DAB1: variants seen among roughly 807,000 people sequenced by gnomAD.
The protein encoded by DAB1 is DAB adaptor protein 1.
DAB1 carries 15 observed loss-of-function variants against 64.6 expected under a neutral mutation model. That is an observed-to-expected ratio of 0.23 (90% CI 0.16 to 0.36). The LOEUF (loss-of-function observed/expected upper bound fraction) is 0.36, where lower values mean the gene tolerates loss of function less well. Among genes scored for constraint, DAB1 ranks in the 10% least tolerant of loss-of-function variants. DAB1 has a pLI of 1.00. For missense variants in DAB1, 596 were observed against 706.7 expected (o/e 0.84, Z 1.78); for synonymous variants, 235 against 251.9 (o/e 0.93, Z 0.64).
intron 3 of DAB1, among the ~76,000 whole-genome samples, chr1:57,139,333 A>G (rs957709808): frequency 6.6e-6 from 1 of 152,184 alleles, no homozygotes; most frequent in Non-Finnish European, 1.5e-5. Context: ...GGATGCAGTA[A>G]CAGGCACCAT....
chr1:58,135,582 G>A (rs1653898909), intron 5 of DAB1, among the ~76,000 whole-genome samples: 1 of 152,092 alleles, frequency 6.6e-6, no homozygotes, highest in African/African-American at 2.4e-5. Flanking sequence ...GCATGTGTAA[G>A]TTTGTTACCT....
chr1:58,276,381 G>T lies in DAB1; in HGVS notation n.309+66971C>A, dbSNP rs996093330. ...AGCAATGTGGCCTCTTTTTCTCTCT[G>T]TTCCTAAAAGAGTGCTTTTCACAAA... On this transcript the variant is annotated intron_variant and non_coding_transcript_variant, in intron 4 of 20. Transcript: ENST00000485760. Among the ~76,000 whole-genome samples, 18 of 152,098 alleles carry T rather than the reference G, an allele frequency of 1.2e-4. 1 individual carries two copies. Among genetic ancestry groups the T allele is most frequent in the African/African-American group, 4.3e-4 (18 of 41,500 alleles).
At chr1:57,187,833 A>AAG (rs138251089) in intron 2 of DAB1, among the ~76,000 whole-genome samples, 116 of 150,230 alleles carry the variant, frequency 7.7e-4, no homozygotes, top group East Asian at 7.3e-3. Context: ...GAGTCACTGA[A>AAG]AGAGAGAGAG....
chr1:58,413,562 A>T (rs973177302), intron 3 of DAB1, among the ~76,000 whole-genome samples: 2 of 152,126 alleles, frequency 1.3e-5, no homozygotes, highest in Non-Finnish European at 2.9e-5. Flanking sequence ...TGGGAAAGGG[A>T]GATCTGTGTC....
rs151265456 is a variant in DAB1, at chr1:58,539,132, C to T, written n.32+7571G>A. On this transcript the variant is annotated intron_variant and non_coding_transcript_variant, in intron 1 of 20. Coordinates refer to the DAB1 transcript ENST00000485760. ...AAACTCCACCTGTCACACTGATTTA[C>T]TCCCAGTCCCTGATACTTATTTACT... 266 of 872,954 alleles carry T rather than the reference C, an allele frequency of 3.0e-4. No homozygotes were observed. The African/African-American group carries it at 4.0e-3, about 13-fold the overall frequency. 54.1% of individuals were successfully genotyped at this position (872,954 alleles called of 1,614,324 possible). A position where few individuals can be genotyped will look rare whatever the true frequency, so the allele number is the denominator to read the frequency against.
At chr1:58,312,546 G>A (rs895861536) in intron 4 of DAB1, among the ~76,000 whole-genome samples, 2 of 152,158 alleles carry the variant, frequency 1.3e-5, no homozygotes, top group Non-Finnish European at 2.9e-5. Context: ...TGATGCATCC[G>A]AAACATTCTG....
chr1:58,149,086 C>G (rs1654777294), intron 5 of DAB1, among the ~76,000 whole-genome samples: 1 of 152,184 alleles, frequency 6.6e-6, no homozygotes, highest in South Asian at 2.1e-4. Context: ...AATTTCTACC[C>G]CTTTCTCTCC....
chr1:58,414,030 T>C (rs1357128792), intron 3 of DAB1, among the ~76,000 whole-genome samples: 1 of 152,204 alleles, frequency 6.6e-6, no homozygotes, highest in Non-Finnish European at 1.5e-5. Context: ...CTGAATACTA[T>C]AGGCAATTGT....
intron 3 of DAB1, among the ~76,000 whole-genome samples, chr1:58,377,547 C>G (rs998281329): frequency 1.4e-5 from 2 of 138,476 alleles, no homozygotes; most frequent in South Asian, 2.3e-4. Context: ...GCCAAGAGAT[C>G]TGCTGTTAGT....
At chr1:58,480,883 C>A in intron 3 of DAB1, 1 of 691,762 alleles carries the variant, frequency 1.4e-6, no homozygotes, top group Non-Finnish European at 2.4e-6. Flanking sequence ...TTTTTCACTT[C>A]AAACATCATT....
intron 5 of DAB1, among the ~76,000 whole-genome samples, chr1:57,944,208 C>T (rs1298240955): frequency 6.6e-6 from 1 of 152,106 alleles, no homozygotes; most frequent in Non-Finnish European, 1.5e-5. Flanking sequence ...TTCTTCAAAC[C>T]AAGACTGTCT....
chr1:57,378,665 C>T (rs539751400), intron 1 of DAB1, among the ~76,000 whole-genome samples: 6 of 152,188 alleles, frequency 3.9e-5, no homozygotes, highest in Non-Finnish European at 5.9e-5. Flanking sequence ...TTGGATGATC[C>T]GTGCCCAAAT....
chr1:57,258,523 C>A (rs933438823), intron 2 of DAB1, among the ~76,000 whole-genome samples: 1 of 152,112 alleles, frequency 6.6e-6, no homozygotes, highest in Non-Finnish European at 1.5e-5. Context: ...GCTGTTTGTC[C>A]TTCTCTTGTA....
intron 4 of DAB1, among the ~76,000 whole-genome samples, chr1:58,253,124 CT>C (rs1660842983): frequency 1.3e-5 from 2 of 152,232 alleles, no homozygotes; most frequent in Admixed American, 6.5e-5. Context: ...CTTCGAACCT[CT>C]CCTGTCATTT....
At chr1:58,528,784 C>G (rs1022673746) in intron 1 of DAB1, among the ~76,000 whole-genome samples, 1 of 152,200 alleles carries the variant, frequency 6.6e-6, no homozygotes, top group Non-Finnish European at 1.5e-5. Flanking sequence ...TCTCTGCTCT[C>G]CAATCACAGT....
intron 7 of DAB1, among the ~76,000 whole-genome samples, chr1:57,519,717 T>G (rs1644504152): frequency 6.6e-6 from 1 of 152,156 alleles, no homozygotes; most frequent in African/African-American, 2.4e-5. Flanking sequence ...TTTGGGAAAA[T>G]TGCCTGAATC....
At position 58,352,760 on chromosome 1, in the gene DAB1, C is replaced by T. The variant is rs561914127; in HGVS notation, n.258-9357G>A. Among the ~76,000 whole-genome samples the T allele has an allele frequency of 1.3e-3, 201 of 152,076 alleles. 1 individual carries two copies. The highest frequency in any genetic ancestry group is 1.5e-3 in the Non-Finnish European group (100 of 67,988). On this transcript the variant is annotated intron_variant and non_coding_transcript_variant, in intron 3 of 20. Transcript: ENST00000485760. ...AAAGTGATGATATTGGGTGGTGGGG[C>T]CTTTGAGAGGTGATGAGATCATGGG...
intron 6 of DAB1, among the ~76,000 whole-genome samples, chr1:57,803,338 A>G (rs1198322543): frequency 6.6e-6 from 1 of 152,242 alleles, no homozygotes; most frequent in Non-Finnish European, 1.5e-5. Context: ...GTGACACAGC[A>G]ACTATCAACC....
chr1:57,039,124 C>T (rs1023418436), intron 9 of DAB1, among the ~76,000 whole-genome samples: 1 of 152,196 alleles, frequency 6.6e-6, no homozygotes, highest in African/African-American at 2.4e-5. Flanking sequence ...ATGTGGGGAA[C>T]AGTAGTTTTC....
Sources: gnomAD v4.1 joint callset for allele counts (sites outside exome capture counted in the v4.1 genomes callset) on GRCh38, gnomAD v4.1.1 for gene constraint, MANE v1.5 for transcripts, NCBI Gene and HGNC (gene_info 2026-07-23, HGNC 2026-07-21) for gene names.